The following SDE2 variants were observed in gnomAD, a reference collection of about 807,000 sequenced individuals.
SDE2 encodes the protein spliceosome associated SDE2.
Under a neutral mutation model 46.9 loss-of-function variants are expected in SDE2, and 31 were observed. The ratio of observed to expected loss-of-function variants is 0.66; its 90% confidence interval spans 0.50 to 0.89. SDE2 has a LOEUF of 0.89. SDE2 is among the 40% of genes least tolerant of loss of function. The pLI, the probability that SDE2 is intolerant of heterozygous loss-of-function variation, is 0.00. For missense variants in SDE2, 542 were observed against 564.4 expected (o/e 0.96, Z 0.40); for synonymous variants, 205 against 204.3 (o/e 1.00, Z -0.03).
intron 2 of SDE2, among the ~76,000 whole-genome samples, chr1:225,994,129 T>A (rs1008952437): frequency 2.0e-5 from 3 of 151,572 alleles, no homozygotes; most frequent in Admixed American, 2.0e-4. Flanking sequence ...CAGGCTGTAG[T>A]GCAGTGGCAC....
chr1:225,995,228 A>C (rs780410847), intron 2 of SDE2, 38 bp downstream of exon 2: 1 of 982,538 alleles, frequency 1.0e-6, no homozygotes, highest in Admixed American at 1.9e-5. Context: ...AAAGACTGCA[A>C]ATGTGTTACA....
intron 1 of SDE2, 113 bp downstream of exon 1, chr1:225,999,080 G>A: frequency 2.5e-6 from 2 of 788,670 alleles, no homozygotes; most frequent in South Asian, 3.5e-5. Context: ...CAGCCTCAAC[G>A]AGTGAAAACC....
intron 2 of SDE2, among the ~76,000 whole-genome samples, chr1:225,993,242 TC>T (rs1051348130): frequency 3.2e-4 from 49 of 152,078 alleles, no homozygotes; most frequent in African/African-American, 1.1e-3. Context: ...TACCTAGCCT[TC>T]CCAAACCTAA....
At chr1:225,992,237 G>A (rs545611034) in intron 4 of SDE2, among the ~76,000 whole-genome samples, 161 bp downstream of exon 4, 1 of 152,166 alleles carries the variant, frequency 6.6e-6, no homozygotes, top group East Asian at 1.9e-4. Flanking sequence ...AAAATACTGT[G>A]TTCATTTTTG....
chr1:225,992,581 AG>A lies in SDE2; in HGVS notation c.351-15del. The A allele has an allele frequency of 6.4e-7, 1 of 1,568,306 alleles. No homozygotes were observed. On this transcript the variant is annotated splice_polypyrimidine_tract_variant and intron_variant, in intron 3 of 6. Coordinates refer to ENST00000272091, the MANE Select transcript of SDE2 (RefSeq NM_152608.4). ...CATTCAGCCATTCTGGGGATGAGGG[AG>A]GAAGAGATATAACTGAATAGATATA...
Position 225,992,999 on chromosome 1 carries a change from AAACCTGAGCAGATGT to A in SDE2, c.239-12_241del. Reference sequence around the variant, plus strand: ...ACCAAGTGCTCGGAGCATAGATCCAAAACCTGAGCAGATGTATTTGGAGAAAGCAGGTTAAAATGT... The same window carrying A: ...ACCAAGTGCTCGGAGCATAGATCCAAATTTGGAGAAAGCAGGTTAAAATGT... On this transcript the variant is annotated splice_acceptor_variant and splice_polypyrimidine_tract_variant and coding_sequence_variant and intron_variant, in exon 3 of 7. Coordinates refer to ENST00000272091, the MANE Select transcript of SDE2 (RefSeq NM_152608.4). LOFTEE classifies it high-confidence loss of function. The A allele has an allele frequency of 6.3e-7, 1 of 1,575,042 alleles. No individual in the cohort carries two copies. The highest frequency in any genetic ancestry group is 1.1e-5 in the South Asian group (1 of 89,794).
Position 225,995,276 on chromosome 1 carries a change from A to G in SDE2, c.228T>C (p.Gly76=). 1 of 1,586,848 alleles carries G rather than the reference A, an allele frequency of 6.3e-7. No homozygotes were observed. Among genetic ancestry groups the G allele is most frequent in the African/African-American group, 1.3e-5 (1 of 74,488 alleles). ...ATGTTCAGGTCCTACCTCCTTTTCC[A>G]CCGCAAAGTCTGGGTTCCAAACTAT... ...AVYSLEPRLC[G]GKGGFGSMLR... The change falls in exon 2 of 7, where the codon GGT becomes GGC. Residue 76 remains glycine, a synonymous_variant. Coordinates refer to ENST00000272091, the MANE Select transcript of SDE2 (RefSeq NM_152608.4).
chr1:225,989,722 C>G (rs1656351446), intron 5 of SDE2, among the ~76,000 whole-genome samples: 1 of 151,764 alleles, frequency 6.6e-6, no homozygotes, highest in African/African-American at 2.4e-5. Flanking sequence ...AACAATTATT[C>G]TGTTTTACAG....
At chr1:225,997,847 T>C (rs116784766) in intron 1 of SDE2, among the ~76,000 whole-genome samples, 387 of 152,278 alleles carry the variant, frequency 2.5e-3, no homozygotes, top group Admixed American at 4.9e-3. Context: ...ACTGTACTCA[T>C]AGGCCGGGAG....
chr1:225,993,036 A>G, intron 2 of SDE2, 34 bp from the exon 3 acceptor site: 2 of 1,201,510 alleles, frequency 1.7e-6, no homozygotes, highest in Non-Finnish European at 2.5e-6. Flanking sequence ...GCAGGTTAAA[A>G]TGTGTTCAAG....
At position 225,985,592 on chromosome 1, in the gene SDE2, A is replaced by AACT. The variant is rs554301636; in HGVS notation, c.1135-72_1135-70dup. The AACT allele has an allele frequency of 1.4e-3, 1,410 of 978,536 alleles. 5 individuals are homozygous for AACT. Among genetic ancestry groups the AACT allele is most frequent in the Non-Finnish European group, 2.0e-3 (1,241 of 630,112 alleles). 60.6% of individuals were successfully genotyped at this position (978,536 alleles called of 1,614,324 possible). ...TCTGAATAAAGACTCTTTAACTGTC[A>AACT]ACTACATTTCTTGAGAAATTTTCAT... On this transcript the variant is annotated intron_variant, in intron 6 of 6. Transcript: ENST00000272091.
At position 225,991,292 on chromosome 1, in the gene SDE2, T is replaced by C. The variant is rs1656394886; in HGVS notation, c.592A>G (p.Lys198Glu). ...CTGGCTCCTCTGTCTGTTTGAGATT[T>C]AGTAGGCCATTGCCGTTTCCGATTC... ...SENRKRQWPT[K>E]SQTDRGASAG... The change falls in exon 5 of 7, where the codon AAA (lysine) becomes GAA (glutamate). Residue 198 changes from lysine to glutamate, a missense_variant. Physicochemically the swap from Lys to Glu is moderately conservative, Grantham distance 56 (BLOSUM62 1). Around this residue, in one of 3 missense-constraint regions of SDE2, gnomAD observed 401 missense variants for 437.8 expected, o/e 0.92. Coordinates refer to ENST00000272091, the MANE Select transcript of SDE2 (RefSeq NM_152608.4). 3 of 1,613,952 alleles carry C rather than the reference T, an allele frequency of 1.9e-6. No homozygotes were observed. The highest frequency in any genetic ancestry group is 2.2e-5 in the East Asian group (1 of 44,876).
intron 6 of SDE2, among the ~76,000 whole-genome samples, chr1:225,986,251 C>G (rs974199894): frequency 6.6e-6 from 1 of 151,314 alleles, no homozygotes; most frequent in Non-Finnish European, 1.5e-5. Context: ...GAGACTGAGG[C>G]AGGAGAATCA....
intron 2 of SDE2, 97 bp from the exon 3 acceptor site, chr1:225,993,099 G>C (rs1221089629): frequency 7.8e-6 from 4 of 512,204 alleles, no homozygotes; most frequent in Non-Finnish European, 1.4e-5. Context: ...GATTAACAAT[G>C]ATCTCTACTT....
rs555423482 is a variant in SDE2 at position 225,987,360 on chromosome 1, C to T, written c.1134+536G>A. 3.3e-5 allele frequency among the ~76,000 whole-genome samples: 5 copies of T among 152,172 alleles called. 1 individual carries two copies. In the South Asian group the frequency reaches 1.0e-3, roughly 32 times the overall value. ...GAGCCACCGCACCTGGCTGAAGATGCCTTTTTTAAAAGGCTGACTGTGGGT... is the reference window on the plus strand; with the variant it reads ...GAGCCACCGCACCTGGCTGAAGATGTCTTTTTTAAAAGGCTGACTGTGGGT... On this transcript the variant is annotated intron_variant, in intron 6 of 6. Coordinates refer to ENST00000272091, the MANE Select transcript of SDE2 (RefSeq NM_152608.4).
chr1:225,992,223 T>A (rs78572447), intron 4 of SDE2, among the ~76,000 whole-genome samples, 175 bp downstream of exon 4: 7,990 of 152,214 alleles, frequency 0.052, 283 homozygotes, highest in Middle Eastern at 0.092. Flanking sequence ...TGTTCTTTTT[T>A]AAAAAAATAC....
At chr1:225,995,499 A>T (rs902173376) in intron 1 of SDE2, 116 bp from the exon 2 acceptor site, 1 of 528,620 alleles carries the variant, frequency 1.9e-6, no homozygotes, top group Middle Eastern at 3.2e-4. Flanking sequence ...TGTTCAATTA[A>T]TATTTGTTGA....
At chr1:225,993,446 C>T (rs1036511360) in intron 2 of SDE2, among the ~76,000 whole-genome samples, 12 of 152,034 alleles carry the variant, frequency 7.9e-5, no homozygotes, top group African/African-American at 2.9e-4. Flanking sequence ...CCCGTCTCTA[C>T]TAAAAAATAC....
intron 4 of SDE2, among the ~76,000 whole-genome samples, chr1:225,992,084 C>T (rs1002523668): frequency 1.3e-4 from 20 of 152,048 alleles, no homozygotes; most frequent in African/African-American, 3.4e-4. Flanking sequence ...GAGGCTAAGG[C>T]GGGAGAATTG....
Sources: gnomAD v4.1 joint callset for allele counts (sites outside exome capture counted in the v4.1 genomes callset) on GRCh38, gnomAD v4.1.1 for gene constraint, gnomAD v4.1.1 regional missense constraint, MANE v1.5 for transcripts, NCBI Gene and HGNC (gene_info 2026-07-23, HGNC 2026-07-21) for gene names.